The following RHBDL2 variants were observed in gnomAD, a reference collection of about 807,000 sequenced individuals.
RHBDL2 encodes the protein rhomboid-related protein 2.
In RHBDL2, 26 loss-of-function variants were observed where a neutral mutation model predicts 31.7. The observed-to-expected ratio is 0.82, with a 90% CI of 0.60 to 1.14. RHBDL2 has a LOEUF of 1.14. Among genes scored for constraint, RHBDL2 ranks in the 50% most tolerant of loss-of-function variants. The pLI, the probability that RHBDL2 is intolerant of heterozygous loss-of-function variation, is 0.00. For missense variants in RHBDL2, 336 were observed against 364.4 expected (o/e 0.92, Z 0.63); for synonymous variants, 123 against 127.2 (o/e 0.97, Z 0.22).
intron 3 of RHBDL2, among the ~76,000 whole-genome samples, chr1:38,912,910 ATGTGTGTGTGTGTG>A (rs869081947): frequency 2.4e-5 from 1 of 41,392 alleles, no homozygotes. Flanking sequence ...ATATATATAT[ATGTGTGTGTGTGTG>A]TGTGTGTGTG....
At chr1:38,903,608 A>G (rs143759132) in intron 4 of RHBDL2, among the ~76,000 whole-genome samples, 1,893 of 152,342 alleles carry the variant, frequency 0.012, 42 homozygotes, top group African/African-American at 0.041. Flanking sequence ...ACCTTGTTCA[A>G]CATGGGTTGG....
intron 1 of RHBDL2, among the ~76,000 whole-genome samples, chr1:38,921,068 T>C (rs933620469): frequency 1.3e-5 from 2 of 152,206 alleles, no homozygotes; most frequent in African/African-American, 4.8e-5. Flanking sequence ...ACTTGCTTCA[T>C]AACATTGCCG....
chr1:38,899,975 A>G (rs1422238595), intron 4 of RHBDL2, among the ~76,000 whole-genome samples: 9 of 152,182 alleles, frequency 5.9e-5, no homozygotes, highest in African/African-American at 2.2e-4. Flanking sequence ...CTTTCCTGCA[A>G]GCAGTGTGGG....
intron 1 of RHBDL2, 200 bp from the exon 2 acceptor site, chr1:38,919,537 C>A: frequency 3.9e-6 from 1 of 254,958 alleles, no homozygotes; most frequent in Non-Finnish European, 7.2e-6. Flanking sequence ...TTACATATTT[C>A]TTAAATTGTG....
At chr1:38,929,715 G>A in intron 1 of RHBDL2, 1 of 324,950 alleles carries the variant, frequency 3.1e-6, no homozygotes. Context: ...GGTGTTGCTA[G>A]GCGCCTGGGT....
rs370633950 is a variant in RHBDL2, at chr1:38,920,773, A to ATTT, written c.-125-1439_-125-1437dup. The stretch of plus-strand genomic sequence containing the variant: ...AGGTGCCCACCACCACACCTGGCTA[A>ATTT]TTTTTTTTTTTTTTTGTATTTTTAG... On this transcript the variant is annotated intron_variant, in intron 1 of 7. Transcript: ENST00000372990. Among the ~76,000 whole-genome samples, 11 of 137,328 alleles carry ATTT rather than the reference A, an allele frequency of 8.0e-5. No homozygotes were observed. In the South Asian group the frequency reaches 1.6e-3, roughly 21 times the overall value. The allele number at this position is 137,328 out of a possible 152,430, so 90.1% of individuals were successfully genotyped here.
intron 3 of RHBDL2, among the ~76,000 whole-genome samples, chr1:38,912,910 A>ATATATATGTGTGTGTGTGTGTG (rs1399583863): frequency 1.3e-3 from 52 of 41,344 alleles, no homozygotes; most frequent in African/African-American, 4.1e-3. Context: ...ATATATATAT[A>ATATATATGTGTGTGTGTGTGTG]TGTGTGTGTG....
chr1:38,912,906 A>ATGTG (rs1400185946), intron 3 of RHBDL2, among the ~76,000 whole-genome samples: 5 of 34,134 alleles, frequency 1.5e-4, no homozygotes, highest in South Asian at 1.3e-3. Flanking sequence ...ATATATATAT[A>ATGTG]TATATGTGTG....
intron 1 of RHBDL2, chr1:38,925,876 TG>T: frequency 9.4e-7 from 1 of 1,064,976 alleles, no homozygotes; most frequent in Non-Finnish European, 1.2e-6. Context: ...GCAGTAGGCC[TG>T]GCTCACTAAC....
At chr1:38,935,616 G>T (rs1054160299) in intron 1 of RHBDL2, among the ~76,000 whole-genome samples, 1 of 151,978 alleles carries the variant, frequency 6.6e-6, no homozygotes, top group Non-Finnish European at 1.5e-5. Flanking sequence ...CAAATTTTTC[G>T]TTTTGTTTTG....
At chr1:38,892,675 T>C (rs1427458028) in intron 6 of RHBDL2, among the ~76,000 whole-genome samples, 1 of 152,188 alleles carries the variant, frequency 6.6e-6, no homozygotes. Context: ...TTATGTGAGA[T>C]GATTATGTGA....
intron 3 of RHBDL2, among the ~76,000 whole-genome samples, chr1:38,912,314 C>G (rs909034161): frequency 6.6e-6 from 1 of 151,846 alleles, no homozygotes; most frequent in African/African-American, 2.4e-5. Context: ...CCATGTTGGT[C>G]AGGCTGGTCT....
chr1:38,899,435 G>A (rs571495642), intron 4 of RHBDL2, among the ~76,000 whole-genome samples: 1 of 152,280 alleles, frequency 6.6e-6, no homozygotes, highest in Non-Finnish European at 1.5e-5. Context: ...AAGATGGGGG[G>A]CAGTTTCTCA....
At chr1:38,923,249 A>G (rs536873760) in intron 1 of RHBDL2, among the ~76,000 whole-genome samples, 2 of 152,332 alleles carry the variant, frequency 1.3e-5, no homozygotes, top group African/African-American at 4.8e-5. Context: ...GAAACATCCA[A>G]CCTCTAGAAA....
intron 4 of RHBDL2, among the ~76,000 whole-genome samples, chr1:38,907,338 G>A (rs922279085): frequency 2.0e-5 from 3 of 151,930 alleles, no homozygotes; most frequent in Admixed American, 1.3e-4. Context: ...TCAGGAGTTC[G>A]AGACCAGCCT....
rs575146639 is a variant in RHBDL2, at chr1:38,919,312, G to A, written c.-100C>T. The A allele has an allele frequency of 2.1e-5, 34 of 1,603,260 alleles. No individual in the cohort carries two copies. The East Asian group carries it at 3.1e-4, about 15-fold the overall frequency. ...GCCGCTCTTCCCTGGGCTGTCTGGC[G>A]CAACGACTGCTTTCCAAGGCCTTTC... On this transcript the variant is annotated 5_prime_UTR_variant, in exon 2 of 8. Coordinates refer to ENST00000372990, the MANE Select transcript of RHBDL2 (RefSeq NM_017821.5).
intron 1 of RHBDL2, among the ~76,000 whole-genome samples, chr1:38,932,698 G>A (rs1324230608): frequency 6.6e-6 from 1 of 152,122 alleles, no homozygotes; most frequent in East Asian, 1.9e-4. Context: ...GAGCTCACGC[G>A]ATCCACCCAC....
intron 1 of RHBDL2, among the ~76,000 whole-genome samples, chr1:38,922,471 G>A (rs1298796242): frequency 2.3e-5 from 2 of 85,146 alleles, no homozygotes; most frequent in African/African-American, 1.0e-4. Context: ...GTCTTCTTGT[G>A]TTACCCAGGC....
intron 1 of RHBDL2, among the ~76,000 whole-genome samples, chr1:38,925,331 C>G (rs1643362875): frequency 1.3e-5 from 2 of 151,986 alleles, no homozygotes; most frequent in Non-Finnish European, 2.9e-5. Context: ...AACCCTGTCT[C>G]TAGCAAAAAT....
Sources: allele counts gnomAD v4.1 joint callset (sites outside exome capture counted in the v4.1 genomes callset), GRCh38; gene constraint gnomAD v4.1.1; transcripts MANE v1.5; gene names NCBI Gene and HGNC (gene_info 2026-07-23, HGNC 2026-07-21).